LPCAT1: variants seen among roughly 807,000 people sequenced by gnomAD.
LPCAT1 encodes 1-acylglycerol-3-phosphate O-acyltransferase.
Under a neutral mutation model 60.9 loss-of-function variants are expected in LPCAT1, and 23 were observed. That is an observed-to-expected ratio of 0.38 (90% CI 0.27 to 0.53). The LOEUF (loss-of-function observed/expected upper bound fraction) is 0.53. Among genes scored for constraint, LPCAT1 ranks in the 20% least tolerant of loss-of-function variants. LPCAT1 has a pLI of 0.82. For synonymous variants in LPCAT1, 340 were observed against 301.1 expected (o/e 1.13, Z -1.34); for missense variants, 622 against 723.6 (o/e 0.86, Z 1.61).
rs1273151043 is a variant in LPCAT1, at chr5:1,463,106, C to A, written c.*545G>T. The A allele has an allele frequency of 2.0e-5, 3 of 152,426 alleles. No individual in the cohort carries two copies. Among genetic ancestry groups the A allele is most frequent in the Non-Finnish European group, 4.4e-5 (3 of 68,248 alleles). The allele number at this position is 152,426 out of a possible 1,614,324, so 9.4% of individuals were successfully genotyped here. A position where few individuals can be genotyped will look rare whatever the true frequency, so the allele number is the denominator to read the frequency against. On this transcript the variant is annotated 3_prime_UTR_variant, in exon 14 of 14. Transcript: ENST00000283415. Reference sequence around the variant, plus strand: ...ATTTTTTAAAAAATGCTGCATGTTTCCTGAAGTACCTAAATGGAGTTTATA... The same window carrying A: ...ATTTTTTAAAAAATGCTGCATGTTTACTGAAGTACCTAAATGGAGTTTATA...
In LPCAT1 at chr5:1,476,641, C is replaced by T. The variant is rs1319718243; in HGVS notation, c.899+763G>A. On this transcript the variant is annotated intron_variant, in intron 9 of 13. Coordinates refer to ENST00000283415, the MANE Select transcript of LPCAT1 (RefSeq NM_024830.5). The surrounding 1 kb of genome is among the most constrained non-coding windows in gnomAD (Gnocchi z 8.6). ...GCTCCTGCAGCTCAGGTCTGGCAGC[C>T]GCCCGGTGGAGGGGAGGCTCTAGCT... Among the ~76,000 whole-genome samples the T allele has an allele frequency of 2.6e-5, 4 of 152,198 alleles. No homozygotes were observed. Among genetic ancestry groups the T allele is most frequent in the East Asian group, 1.9e-4 (1 of 5,164 alleles).
At chr5:1,486,517 G>A (rs1025038203) in intron 5 of LPCAT1, among the ~76,000 whole-genome samples, 6 of 152,134 alleles carry the variant, frequency 3.9e-5, no homozygotes, top group Admixed American at 3.9e-4. Flanking sequence ...CAGGCGATGT[G>A]ATGAAAGGTG....
chr5:1,518,281 T>A (rs924092552), intron 1 of LPCAT1, among the ~76,000 whole-genome samples: 4 of 152,214 alleles, frequency 2.6e-5, no homozygotes, highest in Non-Finnish European at 4.4e-5. Context: ...GAGAAAAATA[T>A]AAGACAGAGC....
chr5:1,466,158 C>T (rs1383446353), intron 13 of LPCAT1, among the ~76,000 whole-genome samples: 1 of 152,236 alleles, frequency 6.6e-6, no homozygotes, highest in East Asian at 1.9e-4. Context: ...GGGAGGGAGG[C>T]GCCCCGGGCT....
intron 1 of LPCAT1, among the ~76,000 whole-genome samples, chr5:1,507,968 C>T (rs1053954516): frequency 2.0e-5 from 3 of 152,162 alleles, no homozygotes; most frequent in Admixed American, 2.0e-4. Flanking sequence ...CTGGAGGACC[C>T]TCCTGATCCA....
chr5:1,492,376 C>G (rs1040598906), intron 3 of LPCAT1, among the ~76,000 whole-genome samples: 2 of 152,078 alleles, frequency 1.3e-5, no homozygotes, highest in African/African-American at 4.8e-5. Flanking sequence ...TGGTTTTGAG[C>G]TGGAGCCTGG....
intron 12 of LPCAT1, 97 bp downstream of exon 12, chr5:1,470,729 T>G: frequency 1.2e-6 from 1 of 847,282 alleles, no homozygotes; most frequent in South Asian, 2.1e-5. Context: ...AATGATCAAT[T>G]AACTGATATT....
At position 1,502,873 on chromosome 5, in the gene LPCAT1, CAT is replaced by C. The variant is rs1236328231; in HGVS notation, c.136-1272_136-1271del. 1.3e-5 allele frequency among the ~76,000 whole-genome samples: 2 copies of C among 152,114 alleles called. No individual in the cohort carries two copies. Among genetic ancestry groups the C allele is most frequent in the Non-Finnish European group, 1.5e-5 (1 of 68,036 alleles). On this transcript the variant is annotated intron_variant, in intron 1 of 13. Transcript: ENST00000283415. This position sits in a 1 kb window ranked among gnomAD's most constrained non-coding sequence, Gnocchi z 5.5. Reference sequence around the variant, plus strand: ...TAGCCCAAGAGAAACATGCCTGCCACATGTGTCATTTTAAATTTTCGAGTGGC... The same window carrying C: ...TAGCCCAAGAGAAACATGCCTGCCACGTGTCATTTTAAATTTTCGAGTGGC...
At chr5:1,518,410 C>G (rs924402219) in intron 1 of LPCAT1, among the ~76,000 whole-genome samples, 9 of 152,288 alleles carry the variant, frequency 5.9e-5, no homozygotes, top group African/African-American at 2.2e-4. Flanking sequence ...GTGCGATCTC[C>G]GCTCACTGCA....
intron 11 of LPCAT1, among the ~76,000 whole-genome samples, chr5:1,473,212 C>T (rs1015558118): frequency 1.3e-5 from 2 of 152,206 alleles, no homozygotes; most frequent in Non-Finnish European, 2.9e-5. Flanking sequence ...TCACACGGGA[C>T]ATCTCATGCT....
chr5:1,465,033 C>CACAGCA (rs1553991908), intron 13 of LPCAT1, among the ~76,000 whole-genome samples: 1 of 146,946 alleles, frequency 6.8e-6, no homozygotes. Context: ...AGCGCAGGCA[C>CACAGCA]ACTAAACACA....
intron 11 of LPCAT1, among the ~76,000 whole-genome samples, chr5:1,471,339 A>G (rs1471339370): frequency 1.3e-5 from 2 of 152,226 alleles, no homozygotes; most frequent in Non-Finnish European, 2.9e-5. Flanking sequence ...ACGTGGAGCT[A>G]AACAGCAGCC....
At chr5:1,499,099 G>A (rs1735913967) in intron 2 of LPCAT1, among the ~76,000 whole-genome samples, 4 of 152,234 alleles carry the variant, frequency 2.6e-5, no homozygotes, top group Admixed American at 2.6e-4. Flanking sequence ...CGTCTCTGAA[G>A]TACAGCTGCT....
At position 1,474,583 on chromosome 5, in the gene LPCAT1, A is replaced by C. The variant is rs762475985; in HGVS notation, c.1002T>G (p.Phe334Leu). ...RLPADTCLLEFARLVRGLGLK... is the reference protein window; with the variant it reads ...RLPADTCLLELARLVRGLGLK... ...ACCCGAGGCCCCGCACGAGCCTGGCAAATTCTAAAAGGCAAGTGTCAGCGG... is the reference window on the plus strand; with the variant it reads ...ACCCGAGGCCCCGCACGAGCCTGGCCAATTCTAAAAGGCAAGTGTCAGCGG... Residue 334 changes from phenylalanine (F) to leucine (L), a missense_variant, in exon 10 of 14, where the codon TTT becomes TTG. Physicochemically the swap from Phe to Leu is conservative, Grantham distance 22. This residue lies in a region of LPCAT1 where 288 missense variants were observed against 283.6 expected (regional missense o/e 1.02). Transcript: ENST00000283415. 1 of 1,614,032 alleles carries C rather than the reference A, an allele frequency of 6.2e-7. No individual in the cohort carries two copies. Among genetic ancestry groups the C allele is most frequent in the South Asian group, 1.1e-5 (1 of 91,082 alleles).
intron 11 of LPCAT1, 132 bp downstream of exon 11, chr5:1,473,825 T>G: frequency 1.0e-6 from 1 of 1,002,080 alleles, no homozygotes; most frequent in Non-Finnish European, 1.4e-6. Flanking sequence ...TAGGGTGGGG[T>G]GGTGATGGGT....
At chr5:1,509,185 G>A (rs927827775) in intron 1 of LPCAT1, among the ~76,000 whole-genome samples, 11 of 152,282 alleles carry the variant, frequency 7.2e-5, no homozygotes, top group East Asian at 1.9e-4. Flanking sequence ...CCGCGAGGCC[G>A]CGTCATCCCG....
In LPCAT1 at chr5:1,520,507, T is replaced by C. The variant is rs1167870959; in HGVS notation, c.135+3203A>G. On this transcript the variant is annotated intron_variant, in intron 1 of 13. Transcript: ENST00000283415. The stretch of plus-strand genomic sequence containing the variant: ...AGCTCCAAGGTGCACAGGAAGGCAT[T>C]ATGCTTTCCAGGATGTAAGTTCTTG... Among the ~76,000 whole-genome samples the C allele has an allele frequency of 3.3e-5, 5 of 152,206 alleles. No individual in the cohort carries two copies. In the East Asian group the frequency reaches 7.7e-4, roughly 24 times the overall value.
rs891580310 is a variant in LPCAT1 at position 1,462,027 on chromosome 5, T to C, written c.*1624A>G. 2 of 152,454 alleles carry C rather than the reference T, an allele frequency of 1.3e-5. No individual in the cohort carries two copies. The highest frequency in any genetic ancestry group is 2.9e-5 in the Non-Finnish European group (2 of 68,046). The allele number at this position is 152,454 out of a possible 1,614,324, so 9.4% of individuals were successfully genotyped here. On this transcript the variant is annotated 3_prime_UTR_variant, in exon 14 of 14. Transcript: ENST00000283415. ...CTGTCTGTCCTGCTGGCAGTGTCCATGCTAAAAAACAAGTCGAGGTGATTG... is the reference window on the plus strand; with the variant it reads ...CTGTCTGTCCTGCTGGCAGTGTCCACGCTAAAAAACAAGTCGAGGTGATTG...
intron 1 of LPCAT1, among the ~76,000 whole-genome samples, chr5:1,512,530 C>T (rs1736388816): frequency 6.6e-6 from 1 of 152,224 alleles, no homozygotes; most frequent in South Asian, 2.1e-4. Flanking sequence ...CCACGGGGGG[C>T]CACATCTCAG....
Sources: allele counts gnomAD v4.1 joint callset (sites outside exome capture counted in the v4.1 genomes callset), GRCh38; gene constraint gnomAD v4.1.1; regional missense constraint gnomAD v4.1.1; non-coding constraint Gnocchi (gnomAD v3.1); transcripts MANE v1.5; gene names NCBI Gene and HGNC (gene_info 2026-07-23, HGNC 2026-07-21).